TENM3: variants seen among roughly 807,000 people sequenced by gnomAD.
The protein encoded by TENM3 is teneurin-3.
A neutral mutation model predicts 255.1 loss-of-function variants in TENM3; 63 were observed. The ratio of observed to expected loss-of-function variants is 0.25; its 90% CI spans 0.20 to 0.30. The LOEUF (loss-of-function observed/expected upper bound fraction) is 0.30, where lower values mean the gene tolerates loss of function less well. Ranked by LOEUF, TENM3 falls within the 10% of genes least tolerant of loss-of-function variation. TENM3 has a pLI of 1.00. For missense variants in TENM3, 2,929 were observed against 3,461.1 expected (o/e 0.85, Z 3.86); for synonymous variants, 1,306 against 1,322.3 (o/e 0.99, Z 0.27).
At chr4:181,994,242 G>A in the TENM3 span, among the ~76,000 whole-genome samples, 2 of 152,094 alleles carry the variant, frequency 1.3e-5, no homozygotes, top group Admixed American at 6.6e-5. Context: ...AGTATCTTTT[G>A]GGAAACTTCC....
chr4:182,052,302 C>T, the TENM3 span, among the ~76,000 whole-genome samples: 1 of 152,026 alleles, frequency 6.6e-6, no homozygotes, highest in African/African-American at 2.4e-5. Flanking sequence ...TGGGTCATGT[C>T]ATCAGAAGCA....
At chr4:182,127,158 CAT>C in the TENM3 span, among the ~76,000 whole-genome samples, 69,209 of 151,854 alleles carry the variant, frequency 0.46, 16,330 homozygotes, top group Non-Finnish European at 0.54. Flanking sequence ...TATTTATCCA[CAT>C]GAGCTGCCTT....
At chr4:181,546,307 C>T in the TENM3 span, among the ~76,000 whole-genome samples, 24 of 152,248 alleles carry the variant, frequency 1.6e-4, no homozygotes, top group African/African-American at 5.8e-4. Flanking sequence ...CTGAGAAACT[C>T]GTGCTCACAG....
intron 1 of TENM3, among the ~76,000 whole-genome samples, chr4:182,198,574 C>A (rs1354460392): frequency 6.6e-6 from 1 of 152,232 alleles, no homozygotes; most frequent in Non-Finnish European, 1.5e-5. Context: ...AATATCATAA[C>A]ACCTAAATTA....
In TENM3 at chr4:182,450,464, A is replaced by G. The variant is rs181308456; in HGVS notation, c.511+103535A>G. Among the ~76,000 whole-genome samples the G allele has an allele frequency of 5.3e-5, 8 of 152,250 alleles. No homozygotes were observed. In the East Asian group the frequency reaches 1.5e-3, roughly 29 times the overall value. On this transcript the variant is annotated intron_variant, in intron 3 of 27. Coordinates refer to ENST00000511685, the MANE Select transcript of TENM3 (RefSeq NM_001080477.4). ...GCGACTGCAGCGTTCAAAACACTCT[A>G]GGCAGAGGCCATCTGCTATAAGAGG...
chr4:182,429,562 T>G (rs999948505), intron 3 of TENM3, among the ~76,000 whole-genome samples: 2 of 152,270 alleles, frequency 1.3e-5, no homozygotes, highest in Non-Finnish European at 2.9e-5. Flanking sequence ...AATGACTAAT[T>G]GAATTTGACA....
chr4:182,637,929 G>T (rs1261663243), intron 5 of TENM3, among the ~76,000 whole-genome samples: 1 of 152,118 alleles, frequency 6.6e-6, no homozygotes, highest in African/African-American at 2.4e-5. Context: ...CAGATTCTAA[G>T]TGTTACCACA....
chr4:181,618,396 C>T, the TENM3 span, among the ~76,000 whole-genome samples: 6 of 152,216 alleles, frequency 3.9e-5, no homozygotes, highest in Non-Finnish European at 7.3e-5. Flanking sequence ...ATTGCTCGAT[C>T]ACTGCTGGAA....
intron 2 of TENM3, among the ~76,000 whole-genome samples, chr4:182,334,596 CATAA>C (rs1561333460): frequency 6.6e-6 from 1 of 151,702 alleles, no homozygotes; most frequent in East Asian, 1.9e-4. Context: ...ATGATATTGG[CATAA>C]ATAAAGACAA....
At chr4:182,527,425 T>G (rs1032344947) in intron 3 of TENM3, among the ~76,000 whole-genome samples, 1 of 152,004 alleles carries the variant, frequency 6.6e-6, no homozygotes, top group Admixed American at 6.5e-5. Flanking sequence ...GTGATTGTGT[T>G]ACTAAAACAA....
In TENM3 at chr4:182,416,041, A is replaced by G. The variant is rs559983397; in HGVS notation, c.511+69112A>G. Among the ~76,000 whole-genome samples the G allele has an allele frequency of 2.6e-4, 39 of 152,338 alleles. No individual in the cohort carries two copies. In the South Asian group the frequency reaches 6.4e-3, roughly 25 times the overall value. On this transcript the variant is annotated intron_variant, in intron 3 of 27. Coordinates refer to ENST00000511685, the MANE Select transcript of TENM3 (RefSeq NM_001080477.4). ...GTAAAAGTACTAAGAAATTGTCTCC[A>G]CTAGAAAGCACCTGGAGCCTATGTT... is the stretch of plus-strand genomic sequence containing the variant.
At chr4:182,367,395 G>T (rs1766499700) in intron 3 of TENM3, among the ~76,000 whole-genome samples, 1 of 152,192 alleles carries the variant, frequency 6.6e-6, no homozygotes, top group African/African-American at 2.4e-5. Flanking sequence ...TCTGTGGGTA[G>T]TGTCTGGCCA....
intron 4 of TENM3, among the ~76,000 whole-genome samples, chr4:182,621,147 C>G (rs919381254): frequency 6.6e-6 from 1 of 151,384 alleles, no homozygotes; most frequent in East Asian, 2.0e-4. Flanking sequence ...CACCACTGCA[C>G]TCCAGCCTGG....
At chr4:181,558,224 A>G in the TENM3 span, among the ~76,000 whole-genome samples, 3 of 152,212 alleles carry the variant, frequency 2.0e-5, no homozygotes, top group African/African-American at 4.8e-5. Context: ...TTGACACAGA[A>G]TATAGAAGGT....
At chr4:182,534,152 A>G (rs1223099344) in intron 3 of TENM3, among the ~76,000 whole-genome samples, 4 of 152,206 alleles carry the variant, frequency 2.6e-5, no homozygotes, top group African/African-American at 9.6e-5. Context: ...TAATGATGAC[A>G]TCATAGTACA....
At chr4:181,769,797 G>T in the TENM3 span, among the ~76,000 whole-genome samples, 3 of 152,070 alleles carry the variant, frequency 2.0e-5, no homozygotes, top group Non-Finnish European at 4.4e-5. Context: ...AGGAGGAATT[G>T]GATGTTTCTC....
At chr4:182,136,853 G>C in the TENM3 span, among the ~76,000 whole-genome samples, 3 of 152,290 alleles carry the variant, frequency 2.0e-5, no homozygotes, top group South Asian at 4.1e-4. Context: ...AGCTAGTCTT[G>C]ACGCCTAAGA....
the TENM3 span, among the ~76,000 whole-genome samples, chr4:181,714,719 T>A: frequency 1.8e-4 from 28 of 152,344 alleles, no homozygotes; most frequent in Non-Finnish European, 3.7e-4. Context: ...TCTTTTTTTA[T>A]GAAAATTTAA....
chr4:181,927,382 C>T, the TENM3 span, among the ~76,000 whole-genome samples: 1 of 152,226 alleles, frequency 6.6e-6, no homozygotes, highest in Admixed American at 6.5e-5. Flanking sequence ...TGTTTTGCCC[C>T]TCACAGTGTA....
Sources: gnomAD v4.1 joint callset for allele counts (sites outside exome capture counted in the v4.1 genomes callset) on GRCh38, gnomAD v4.1.1 for gene constraint, MANE v1.5 for transcripts, NCBI Gene and HGNC (gene_info 2026-07-23, HGNC 2026-07-21) for gene names.